The following FSTL4 variants were observed in gnomAD, a reference collection of about 807,000 sequenced individuals.
The protein encoded by FSTL4 is follistatin-related protein 4.
FSTL4 carries 28 observed loss-of-function variants against 78.2 expected under a neutral mutation model. That is an observed-to-expected ratio of 0.36 (90% CI 0.27 to 0.49). FSTL4 has a LOEUF of 0.49. Among genes scored for constraint, FSTL4 ranks in the 20% least tolerant of loss-of-function variants. The pLI is 0.98. For missense variants in FSTL4, 922 were observed against 1,084.9 expected, an observed-to-expected ratio of 0.85 and a Z score of 2.11; for synonymous variants, 422 against 440.5, an observed-to-expected ratio of 0.96 and a Z score of 0.53.
chr5:133,335,465 A>G (rs1465521479), intron 4 of FSTL4, among the ~76,000 whole-genome samples: 2 of 151,866 alleles, frequency 1.3e-5, no homozygotes, highest in Non-Finnish European at 2.9e-5. Flanking sequence ...ATCAAGATGG[A>G]CTTTTCTGCC....
chr5:133,369,349 C>T (rs1043902425), intron 4 of FSTL4, among the ~76,000 whole-genome samples: 1 of 152,218 alleles, frequency 6.6e-6, no homozygotes, highest in Non-Finnish European at 1.5e-5. Context: ...TGTTAATCCC[C>T]TCCCTGGGCT....
the FSTL4 span, among the ~76,000 whole-genome samples, chr5:133,640,151 T>C: frequency 1.1e-4 from 16 of 152,204 alleles, no homozygotes; most frequent in African/African-American, 3.4e-4. Flanking sequence ...ACTCTGATGA[T>C]GCATGAAATT....
At chr5:133,650,059 T>G in the FSTL4 span, among the ~76,000 whole-genome samples, 4 of 152,218 alleles carry the variant, frequency 2.6e-5, no homozygotes, top group East Asian at 7.7e-4. Flanking sequence ...GGAACCAATG[T>G]GTGCAAAGAT....
chr5:133,394,599 G>T lies in FSTL4; in HGVS notation c.409+6139C>A, dbSNP rs565622728. 4.6e-4 allele frequency among the ~76,000 whole-genome samples: 70 copies of T among 152,342 alleles called. 2 individuals are homozygous for T. The South Asian group carries it at 0.013, about 29-fold the overall frequency. On this transcript the variant is annotated intron_variant, in intron 4 of 15. Transcript: ENST00000265342. Reference sequence around the variant, plus strand: ...CTCAGCTGCCTCCCCGCAGGGCAGGGCTTAGGACCTGCAGCCCGCCATGCC... The same window carrying T: ...CTCAGCTGCCTCCCCGCAGGGCAGGTCTTAGGACCTGCAGCCCGCCATGCC...
chr5:133,493,724 T>C (rs1481762239), intron 3 of FSTL4, among the ~76,000 whole-genome samples: 1 of 152,176 alleles, frequency 6.6e-6, no homozygotes, highest in East Asian at 1.9e-4. Flanking sequence ...CCTTTGAGAG[T>C]GGTTTGTTCA....
At chr5:133,499,024 C>CAT (rs1758431491) in intron 3 of FSTL4, among the ~76,000 whole-genome samples, 1 of 151,556 alleles carries the variant, frequency 6.6e-6, no homozygotes. Context: ...CACACACACA[C>CAT]ATTGCACTCG....
chr5:133,749,073 G>A, the FSTL4 span, among the ~76,000 whole-genome samples: 1 of 152,176 alleles, frequency 6.6e-6, no homozygotes, highest in African/African-American at 2.4e-5. Flanking sequence ...TCTGGGAGTG[G>A]GTTGGTTGTG....
At chr5:133,822,520 T>C in the FSTL4 span, among the ~76,000 whole-genome samples, 3 of 152,158 alleles carry the variant, frequency 2.0e-5, no homozygotes. Context: ...ATTTCTTCAT[T>C]ACTGAGATGG....
At chr5:133,564,216 T>A (rs1218161590) in intron 3 of FSTL4, among the ~76,000 whole-genome samples, 1 of 152,184 alleles carries the variant, frequency 6.6e-6, no homozygotes, top group Non-Finnish European at 1.5e-5. Flanking sequence ...TATGACTTCA[T>A]CTTTATATCT....
intron 4 of FSTL4, among the ~76,000 whole-genome samples, chr5:133,377,818 A>G (rs1263518707): frequency 6.6e-6 from 1 of 152,216 alleles, no homozygotes; most frequent in East Asian, 1.9e-4. Flanking sequence ...TTCAAGGAAG[A>G]TATACACAGA....
intron 3 of FSTL4, among the ~76,000 whole-genome samples, chr5:133,465,328 C>T (rs1757684243): frequency 6.6e-6 from 1 of 152,206 alleles, no homozygotes; most frequent in African/African-American, 2.4e-5. Flanking sequence ...TGATTTAACC[C>T]ATATTAGTCT....
At chr5:133,468,194 G>C (rs1757752466) in intron 3 of FSTL4, among the ~76,000 whole-genome samples, 1 of 152,194 alleles carries the variant, frequency 6.6e-6, no homozygotes, top group Non-Finnish European at 1.5e-5. Context: ...CAGGCAGGGG[G>C]AGGCCTGCCC....
intron 6 of FSTL4, among the ~76,000 whole-genome samples, chr5:133,310,894 G>A (rs1753762861): frequency 6.6e-6 from 1 of 152,148 alleles, no homozygotes; most frequent in Admixed American, 6.5e-5. Context: ...ATGTTCCATG[G>A]AATCATCAAG....
the FSTL4 span, among the ~76,000 whole-genome samples, chr5:133,748,560 G>C: frequency 6.6e-6 from 1 of 152,140 alleles, no homozygotes; most frequent in African/African-American, 2.4e-5. Flanking sequence ...GACAGAGCGA[G>C]ACTCCATCTC....
intron 3 of FSTL4, among the ~76,000 whole-genome samples, chr5:133,513,560 T>G (rs1372134350): frequency 3.3e-5 from 5 of 152,196 alleles, no homozygotes; most frequent in Admixed American, 6.5e-5. Flanking sequence ...TCCTATAGAA[T>G]TCTTCCAATT....
intron 3 of FSTL4, among the ~76,000 whole-genome samples, chr5:133,517,019 G>A (rs1475758694): frequency 1.3e-5 from 2 of 151,552 alleles, no homozygotes; most frequent in Non-Finnish European, 2.9e-5. Flanking sequence ...CGAGGCTACA[G>A]TAAGCCATGA....
intron 3 of FSTL4, among the ~76,000 whole-genome samples, chr5:133,534,545 A>C (rs1405210828): frequency 6.6e-6 from 1 of 152,178 alleles, no homozygotes; most frequent in Non-Finnish European, 1.5e-5. Flanking sequence ...CATGATGACT[A>C]TTATTGTGGA....
At position 133,424,418 on chromosome 5, in the gene FSTL4, T is replaced by C. The variant is rs372728990; in HGVS notation, c.161-23432A>G. 2.6e-5 allele frequency among the ~76,000 whole-genome samples: 4 copies of C among 152,072 alleles called. No individual in the cohort carries two copies. In the East Asian group the frequency reaches 7.7e-4, roughly 29 times the overall value. ...AGGGGACTGTTTTGGAGATGGGAGATAAAAGGAGATGATATTTGTATTCAA... is the reference window on the plus strand; with the variant it reads ...AGGGGACTGTTTTGGAGATGGGAGACAAAAGGAGATGATATTTGTATTCAA... On this transcript the variant is annotated intron_variant, in intron 3 of 15. Transcript: ENST00000265342.
the FSTL4 span, among the ~76,000 whole-genome samples, chr5:133,733,999 T>C: frequency 0.83 from 126,506 of 152,244 alleles, 53,116 homozygotes; most frequent in African/African-American, 0.96. Context: ...ACTGGGTTCC[T>C]CAACAGAGAA....
Sources: allele counts gnomAD v4.1 joint callset (sites outside exome capture counted in the v4.1 genomes callset), GRCh38; gene constraint gnomAD v4.1.1; transcripts MANE v1.5; gene names NCBI Gene and HGNC (gene_info 2026-07-23, HGNC 2026-07-21).